The following STEAP4 variants were observed in gnomAD, a reference collection of about 807,000 sequenced individuals.
STEAP4 encodes metalloreductase STEAP4.
In STEAP4, 36 loss-of-function variants were observed where a neutral mutation model predicts 43.6. That is an observed-to-expected ratio of 0.83 (90% CI 0.63 to 1.09). The LOEUF (loss-of-function observed/expected upper bound fraction) is 1.09. Among genes scored for constraint, STEAP4 ranks in the 50% least tolerant of loss-of-function variants. STEAP4 has a pLI of 0.00. For synonymous variants in STEAP4, 191 were observed against 196.7 expected (o/e 0.97, Z 0.24); for missense variants, 495 against 546.5 (o/e 0.91, Z 0.94).
rs1852439735 is a variant in STEAP4, at chr7:88,271,643, T to C, written c.*7755A>G. 6.6e-6 allele frequency: 1 copy of C among 152,230 alleles called. No homozygotes were observed. Among genetic ancestry groups the C allele is most frequent in the African/African-American group, 2.4e-5 (1 of 41,466 alleles). The allele number at this position is 152,230 out of a possible 1,614,324, so 9.4% of individuals were successfully genotyped here. On this transcript the variant is annotated 3_prime_UTR_variant, in exon 5 of 5. Coordinates refer to ENST00000380079, the MANE Select transcript of STEAP4 (RefSeq NM_024636.4). Reference sequence around the variant, plus strand: ...GAAAAACAAATAGCAATGCTTCTTTTTCATCTCAAATGCTTGTAGGCATAT... The same window carrying C: ...GAAAAACAAATAGCAATGCTTCTTTCTCATCTCAAATGCTTGTAGGCATAT...
At chr7:88,306,535 C>T (rs1232535141) in intron 1 of STEAP4, among the ~76,000 whole-genome samples, 1 of 152,242 alleles carries the variant, frequency 6.6e-6, no homozygotes, top group Non-Finnish European at 1.5e-5. Flanking sequence ...AAGAATCTAA[C>T]CCCTTAATTT....
chr7:88,303,178 C>T (rs1411564891), intron 1 of STEAP4, among the ~76,000 whole-genome samples: 3 of 132,922 alleles, frequency 2.3e-5, no homozygotes, highest in African/African-American at 8.3e-5. Flanking sequence ...ATCATATAAT[C>T]TGCATTAAAA....
Position 88,282,709 on chromosome 7 carries a change from G to A in STEAP4, c.916C>T (p.Leu306Phe), listed in dbSNP as rs781226443. 1.2e-6 allele frequency: 2 copies of A among 1,613,994 alleles called. No homozygotes were observed. Among genetic ancestry groups the A allele is most frequent in the Non-Finnish European group, 1.7e-6 (2 of 1,179,994 alleles). The change falls in exon 3 of 5, where the codon CTC becomes TTC. Residue 306 changes from leucine (L) to phenylalanine (F), a missense_variant. Physicochemically the swap from Leu to Phe is conservative, Grantham distance 22. Transcript: ENST00000380079. ...CGAATAGGAATCACAAGTGTGTAGA[G>A]GACATGAAGGAAGGCAAATCCCAGA... ...VALGFAFLHV[L>F]YTLVIPIRYY...
At chr7:88,303,443 G>C (rs1853074092) in intron 1 of STEAP4, among the ~76,000 whole-genome samples, 1 of 149,718 alleles carries the variant, frequency 6.7e-6, no homozygotes, top group African/African-American at 2.5e-5. Context: ...TTGCAGTGAG[G>C]CAAGATCCTG....
rs764423728 is a variant in STEAP4 at position 88,283,077 on chromosome 7, A to C, written c.548T>G (p.Leu183Arg). Residue 183 changes from leucine to arginine, a missense_variant, in exon 3 of 5, where the codon CTC becomes CGC. By Grantham distance (102) the Leu-to-Arg change is moderately radical. Coordinates refer to ENST00000380079, the MANE Select transcript of STEAP4 (RefSeq NM_024636.4). ...LGLTPMDQGS[L>R]MAAKEIEKYP... ...CTTTTCAATTTCTTTGGCTGCCATG[A>C]GTGATCCTTGATCCATTGGAGTAAG... is the stretch of plus-strand genomic sequence containing the variant. 1.9e-6 allele frequency: 3 copies of C among 1,612,884 alleles called. No homozygotes were observed. The South Asian group carries it at 3.3e-5, about 18-fold the overall frequency.
intron 1 of STEAP4, among the ~76,000 whole-genome samples, chr7:88,286,579 GCGCA>G (rs879739382): frequency 7.2e-5 from 11 of 152,246 alleles, no homozygotes; most frequent in Admixed American, 1.3e-4. Flanking sequence ...GGGCATGGAG[GCGCA>G]CGCCTATAGT....
intron 1 of STEAP4, among the ~76,000 whole-genome samples, chr7:88,294,133 C>T (rs1212756773): frequency 6.6e-6 from 1 of 151,026 alleles, no homozygotes; most frequent in Non-Finnish European, 1.5e-5. Context: ...GCATCCCTAA[C>T]CCAAAAATAT....
At chr7:88,280,323 A>G (rs1227462442) in intron 4 of STEAP4, among the ~76,000 whole-genome samples, 1 of 152,214 alleles carries the variant, frequency 6.6e-6, no homozygotes, top group Non-Finnish European at 1.5e-5. Context: ...CCACAGGTTC[A>G]GAGTTTCTGA....
Position 88,303,217 on chromosome 7 carries a change from C to T in STEAP4, c.-3+3575G>A, listed in dbSNP as rs938869100. Among the ~76,000 whole-genome samples, 4 of 148,972 alleles carry T rather than the reference C, an allele frequency of 2.7e-5. No homozygotes were observed. The South Asian group carries it at 6.4e-4, about 24-fold the overall frequency. ...AAAAAAAAAAAAAAAAAACTCCAAC[C>T]GGGCGCGGTGGCTCACACCTGTAGT... On this transcript the variant is annotated intron_variant, in intron 1 of 4. Coordinates refer to ENST00000380079, the MANE Select transcript of STEAP4 (RefSeq NM_024636.4).
At chr7:88,305,167 T>A (rs1853108153) in intron 1 of STEAP4, among the ~76,000 whole-genome samples, 1 of 152,170 alleles carries the variant, frequency 6.6e-6, no homozygotes, top group Non-Finnish European at 1.5e-5. Context: ...TTCAACAATG[T>A]GAACAACGTG....
chr7:88,276,276 A>C lies in STEAP4; in HGVS notation c.*3122T>G, dbSNP rs1370314142. On this transcript the variant is annotated 3_prime_UTR_variant, in exon 5 of 5. Transcript: ENST00000380079. ...CAAGAAGCTGCAGATCTGTTAATGCACTTTCAAACCCATGCACTGCCTTCT... is the reference window on the plus strand; with the variant it reads ...CAAGAAGCTGCAGATCTGTTAATGCCCTTTCAAACCCATGCACTGCCTTCT... 2.0e-5 allele frequency: 3 copies of C among 152,362 alleles called. No homozygotes were observed. Among genetic ancestry groups the C allele is most frequent in the African/African-American group, 7.2e-5 (3 of 41,574 alleles). 9.4% of individuals were successfully genotyped at this position (152,362 alleles called of 1,614,324 possible).
intron 1 of STEAP4, chr7:88,290,835 T>G (rs1852821829): frequency 6.6e-6 from 1 of 151,868 alleles, no homozygotes; most frequent in African/African-American, 2.4e-5. Context: ...GGCGCCCTGC[T>G]GCACTCTTCT....
rs549486291 is a variant in STEAP4 at position 88,271,557 on chromosome 7, A to G, written c.*7841T>C. The G allele has an allele frequency of 3.9e-5, 6 of 152,362 alleles. No homozygotes were observed. The highest frequency in any genetic ancestry group is 1.2e-4 in the African/African-American group (5 of 41,594). The allele number at this position is 152,362 out of a possible 1,614,324, so 9.4% of individuals were successfully genotyped here. A position where few individuals can be genotyped will look rare whatever the true frequency, so the allele number is the denominator to read the frequency against. The stretch of plus-strand genomic sequence containing the variant: ...ATCATAGTTTCCTTAACCAGTCCCA[A>G]AGATGAATGCTTGAATCACTGCCCA... On this transcript the variant is annotated 3_prime_UTR_variant, in exon 5 of 5. Coordinates refer to ENST00000380079, the MANE Select transcript of STEAP4 (RefSeq NM_024636.4).
At chr7:88,299,391 G>A (rs77502039) in intron 1 of STEAP4, among the ~76,000 whole-genome samples, 21,553 of 152,200 alleles carry the variant, frequency 0.14, 1,829 homozygotes, top group Non-Finnish European at 0.2. Flanking sequence ...GGATTCAGTC[G>A]TGTCTCTGGG....
chr7:88,285,756 C>CAAA (rs371254467), intron 1 of STEAP4, among the ~76,000 whole-genome samples: 20 of 78,298 alleles, frequency 2.6e-4, no homozygotes, highest in Non-Finnish European at 3.5e-4. Context: ...GACTTTGTCT[C>CAAA]AAAAAAAAAA....
intron 1 of STEAP4, among the ~76,000 whole-genome samples, chr7:88,297,725 G>C (rs1852946437): frequency 2.6e-5 from 4 of 152,106 alleles, no homozygotes; most frequent in Admixed American, 2.6e-4. Flanking sequence ...AGGGGGGAAA[G>C]TGAGTGCATA....
chr7:88,285,169 G>T (rs113570997), intron 1 of STEAP4, among the ~76,000 whole-genome samples: 1 of 151,986 alleles, frequency 6.6e-6, no homozygotes, highest in Admixed American at 6.6e-5. Context: ...CTGGGAACTC[G>T]ATTAAAATAA....
chr7:88,279,729 T>A, intron 4 of STEAP4, 101 bp from the exon 5 acceptor site: 4 of 971,170 alleles, frequency 4.1e-6, no homozygotes, highest in East Asian at 2.6e-5. Flanking sequence ...CACAAACATT[T>A]GAGACCTATA....
At chr7:88,289,077 TG>T (rs1383152115) in intron 1 of STEAP4, among the ~76,000 whole-genome samples, 3 of 151,992 alleles carry the variant, frequency 2.0e-5, no homozygotes, top group Non-Finnish European at 2.9e-5. Flanking sequence ...TGTGTGTGTG[TG>T]TGTATGTGTG....
Sources: allele counts gnomAD v4.1 joint callset (sites outside exome capture counted in the v4.1 genomes callset), GRCh38; gene constraint gnomAD v4.1.1; transcripts MANE v1.5; gene names NCBI Gene and HGNC (gene_info 2026-07-23, HGNC 2026-07-21).